SLC41A2: variants seen among roughly 807,000 people sequenced by gnomAD.
The protein encoded by SLC41A2 is SLC41A1-like 1.
In SLC41A2, 32 loss-of-function variants were observed where a neutral mutation model predicts 58.3. The observed-to-expected ratio is 0.55, with a 90% CI of 0.41 to 0.74. The LOEUF is 0.74. SLC41A2 is among the 30% of genes least tolerant of loss of function. The probability of loss-of-function intolerance (pLI) is 0.00; values close to 1 mark genes in which losing one functional copy is unlikely to be tolerated. For missense variants in SLC41A2, 514 were observed against 680.6 expected, an observed-to-expected ratio of 0.76 and a Z score of 2.72; for synonymous variants, 190 against 235.0, an observed-to-expected ratio of 0.81 and a Z score of 1.75.
chr12:104,837,735 G>T (rs565245252), intron 10 of SLC41A2, among the ~76,000 whole-genome samples: 1 of 151,960 alleles, frequency 6.6e-6, no homozygotes, highest in South Asian at 2.1e-4. Context: ...CTGAGGGAAA[G>T]AAAAAAATGA....
At chr12:104,840,680 G>C (rs2042379843) in intron 10 of SLC41A2, among the ~76,000 whole-genome samples, 1 of 152,146 alleles carries the variant, frequency 6.6e-6, no homozygotes, top group Non-Finnish European at 1.5e-5. Context: ...TTCTGACTGT[G>C]GTCCAGTGGC....
At chr12:104,926,874 C>T (rs767265750) in intron 2 of SLC41A2, among the ~76,000 whole-genome samples, 1 of 151,996 alleles carries the variant, frequency 6.6e-6, no homozygotes, top group Non-Finnish European at 1.5e-5. Flanking sequence ...TTGCTTGAGC[C>T]CAGGAGTTTG....
Position 104,910,772 on chromosome 12 carries a change from C to A in SLC41A2, c.556-1010G>T, listed in dbSNP as rs560224714. ...TAGTATAGCATCACATGACAGCAGA[C>A]CCTGAATGAAACTGAAGTATTTTAC... is the stretch of plus-strand genomic sequence containing the variant. On this transcript the variant is annotated intron_variant, in intron 2 of 10. Transcript: ENST00000258538. Among the ~76,000 whole-genome samples the A allele has an allele frequency of 3.3e-5, 5 of 152,284 alleles. No individual in the cohort carries two copies. In the East Asian group the frequency reaches 9.6e-4, roughly 29 times the overall value.
intron 2 of SLC41A2, among the ~76,000 whole-genome samples, chr12:104,926,614 A>ATGT (rs1387643746): frequency 2.0e-5 from 3 of 151,974 alleles, no homozygotes; most frequent in Admixed American, 6.6e-5. Flanking sequence ...AAAAGAGAAT[A>ATGT]CCTACAAATC....
At chr12:104,902,608 GGTACTAAA>G (rs1320266239) in intron 3 of SLC41A2, among the ~76,000 whole-genome samples, 2 of 152,010 alleles carry the variant, frequency 1.3e-5, no homozygotes, top group African/African-American at 4.8e-5. Flanking sequence ...TGTTGAACAA[GGTACTAAA>G]ATTTCAAGAA....
At chr12:104,882,470 C>T (rs1021605410) in intron 6 of SLC41A2, among the ~76,000 whole-genome samples, 1 of 152,070 alleles carries the variant, frequency 6.6e-6, no homozygotes, top group African/African-American at 2.4e-5. Flanking sequence ...TTTTTCCTTT[C>T]CATGTTTAGT....
chr12:104,830,818 A>G (rs1208754762), intron 10 of SLC41A2, among the ~76,000 whole-genome samples: 4 of 152,214 alleles, frequency 2.6e-5, no homozygotes, highest in African/African-American at 7.2e-5. Context: ...AGAAGGCACA[A>G]GCTATTTCCT....
intron 1 of SLC41A2, among the ~76,000 whole-genome samples, chr12:104,940,380 G>A (rs1271817102): frequency 1.3e-5 from 2 of 150,948 alleles, no homozygotes; most frequent in Admixed American, 6.6e-5. Flanking sequence ...ATAGCATTAG[G>A]AGATATACCT....
At chr12:104,901,099 G>A (rs1273366102) in intron 3 of SLC41A2, among the ~76,000 whole-genome samples, 1 of 152,156 alleles carries the variant, frequency 6.6e-6, no homozygotes, top group Non-Finnish European at 1.5e-5. Flanking sequence ...TCTCTGAGAA[G>A]AGGTTTGAGG....
At chr12:104,836,013 T>G (rs2042196800) in intron 10 of SLC41A2, among the ~76,000 whole-genome samples, 1 of 152,130 alleles carries the variant, frequency 6.6e-6, no homozygotes, top group Non-Finnish European at 1.5e-5. Flanking sequence ...CCCAGCTAAT[T>G]TTGTATTTTT....
intron 8 of SLC41A2, among the ~76,000 whole-genome samples, chr12:104,857,523 A>G (rs565445895): frequency 1.2e-4 from 19 of 152,324 alleles, no homozygotes; most frequent in Admixed American, 1.2e-3. Context: ...AAAGGATTAT[A>G]AATCATGCTG....
intron 10 of SLC41A2, among the ~76,000 whole-genome samples, chr12:104,836,098 C>G (rs1050971945): frequency 2.6e-5 from 4 of 152,178 alleles, no homozygotes; most frequent in Non-Finnish European, 5.9e-5. Context: ...TCCGCCTTGG[C>G]CTCCCAAAAT....
At chr12:104,886,597 T>TG (rs1269727088) in intron 5 of SLC41A2, among the ~76,000 whole-genome samples, 158 bp from the exon 6 acceptor site, 1 of 152,112 alleles carries the variant, frequency 6.6e-6, no homozygotes, top group Non-Finnish European at 1.5e-5. Flanking sequence ...TCTAACGCTT[T>TG]GGCAAAATGC....
Position 104,865,826 on chromosome 12 carries a change from T to C in SLC41A2, c.1175+606A>G, listed in dbSNP as rs181791329. 8.7e-4 allele frequency among the ~76,000 whole-genome samples: 132 copies of C among 152,322 alleles called. 1 individual carries two copies. The highest frequency in any genetic ancestry group is 3.0e-3 in the African/African-American group (125 of 41,582). ...TAGCAATAGAAATGCTACAATGTTA[T>C]TTTAATGGCTGATACTCCATTTTGT... On this transcript the variant is annotated intron_variant, in intron 7 of 10. Transcript: ENST00000258538.
chr12:104,836,320 A>G (rs1303245869), intron 10 of SLC41A2, among the ~76,000 whole-genome samples: 2 of 152,208 alleles, frequency 1.3e-5, no homozygotes, highest in African/African-American at 4.8e-5. Context: ...CAGTTCATAT[A>G]CATAAAGTGC....
intron 1 of SLC41A2, among the ~76,000 whole-genome samples, chr12:104,929,598 T>A (rs1205360891): frequency 6.6e-6 from 1 of 152,250 alleles, no homozygotes; most frequent in East Asian, 1.9e-4. Flanking sequence ...TGATGGGCAC[T>A]GAAGCTGCAA....
At chr12:104,913,191 G>C (rs1185685486) in intron 2 of SLC41A2, among the ~76,000 whole-genome samples, 2 of 152,094 alleles carry the variant, frequency 1.3e-5, no homozygotes, top group Non-Finnish European at 2.9e-5. Flanking sequence ...ATACTAGTGA[G>C]AAATAAAAAT....
chr12:104,927,831 C>G (rs1199608849), intron 2 of SLC41A2, 142 bp downstream of exon 2: 15 of 701,760 alleles, frequency 2.1e-5, no homozygotes, highest in Non-Finnish European at 2.9e-5. Flanking sequence ...GATTCTCTCC[C>G]AGAGTCAGCA....
intron 5 of SLC41A2, among the ~76,000 whole-genome samples, chr12:104,888,509 A>G (rs1343135620): frequency 6.6e-6 from 1 of 152,188 alleles, no homozygotes. Flanking sequence ...AAAGTAGTTA[A>G]TTTTTAAAAC....
Sources: gnomAD v4.1 joint callset for allele counts (sites outside exome capture counted in the v4.1 genomes callset) on GRCh38, gnomAD v4.1.1 for gene constraint, MANE v1.5 for transcripts, NCBI Gene and HGNC (gene_info 2026-07-23, HGNC 2026-07-21) for gene names.